SYT14: variants seen among roughly 807,000 people sequenced by gnomAD.
SYT14 encodes synaptotagmin 14.
SYT14 carries 32 observed loss-of-function variants against 74.2 expected under a neutral mutation model. The ratio of observed to expected loss-of-function variants is 0.43; its 90% CI spans 0.33 to 0.58. The LOEUF is 0.58. Ranked by LOEUF, SYT14 falls within the 20% of genes least tolerant of loss-of-function variation. SYT14 has a pLI of 0.05. For missense variants in SYT14, 791 were observed against 981.8 expected (o/e 0.81, Z 2.60); for synonymous variants, 298 against 337.7 (o/e 0.88, Z 1.29).
intron 7 of SYT14, among the ~76,000 whole-genome samples, chr1:210,118,193 C>A (rs1361866067): frequency 6.6e-6 from 1 of 152,132 alleles, no homozygotes; most frequent in African/African-American, 2.4e-5. Flanking sequence ...TCCAAGCAAG[C>A]AGCATATTCT....
exon 4 of SYT14, chr1:210,015,889 T>C (rs2080173545): frequency 1.6e-6 from 2 of 1,226,744 alleles, no homozygotes; most frequent in Non-Finnish European, 1.0e-6. Context: ...ATTGCTAATA[T>C]TGAGCTGACG....
intron 7 of SYT14, among the ~76,000 whole-genome samples, chr1:210,140,424 A>C (rs948465303): frequency 2.0e-5 from 3 of 149,150 alleles, no homozygotes; most frequent in Non-Finnish European, 4.4e-5. Flanking sequence ...CCCTTATAAG[A>C]TAAGTGATTT....
At position 210,043,724 on chromosome 1, in the gene SYT14, T is replaced by C. The variant is rs1572204774; in HGVS notation, c.1312+22470T>C. Among the ~76,000 whole-genome samples, 3 of 152,240 alleles carry C rather than the reference T, an allele frequency of 2.0e-5. No homozygotes were observed. In the Middle Eastern group the frequency reaches 0.01, roughly 518 times the overall value. ...AGGCATAAGGATTTTCTGGACATGT[T>C]AGGACTTTGAGATACTCACATAGGA... On this transcript the variant is annotated intron_variant, in intron 5 of 9. Coordinates refer to ENST00000637265, the Ensembl canonical transcript of SYT14.
At chr1:209,977,587 A>G (rs1471276190) in intron 2 of SYT14, among the ~76,000 whole-genome samples, 2 of 152,180 alleles carry the variant, frequency 1.3e-5, no homozygotes, top group Non-Finnish European at 2.9e-5. Context: ...TGTTAGTCTG[A>G]TGGGCTTCCC....
chr1:210,049,346 A>G (rs1169589081), intron 5 of SYT14, among the ~76,000 whole-genome samples: 5 of 150,154 alleles, frequency 3.3e-5, no homozygotes, highest in Non-Finnish European at 7.4e-5. Context: ...AGGTATTTCC[A>G]TACATCTTCT....
chr1:209,952,255 T>C (rs2078923730), intron 1 of SYT14, among the ~76,000 whole-genome samples: 1 of 152,200 alleles, frequency 6.6e-6, no homozygotes, highest in Admixed American at 6.5e-5. Flanking sequence ...TTTTACAAAT[T>C]TATAATAGTG....
chr1:210,111,517 G>C (rs927050302), intron 7 of SYT14, among the ~76,000 whole-genome samples: 1 of 151,156 alleles, frequency 6.6e-6, no homozygotes, highest in Non-Finnish European at 1.5e-5. Flanking sequence ...GAACATTTTT[G>C]GGGGTGGTAT....
At chr1:210,086,522 TCTC>T (rs1414803466) in intron 5 of SYT14, among the ~76,000 whole-genome samples, 1 of 152,232 alleles carries the variant, frequency 6.6e-6, no homozygotes, top group Non-Finnish European at 1.5e-5. Context: ...TCTTTGAACA[TCTC>T]CTCACTTTCA....
In SYT14 at chr1:209,995,532, A is replaced by C. The variant is rs371860168; in HGVS notation, c.-485-18101A>C. ...AAAGACATATAGACAACCACGTAAT[A>C]ATAGGGTGAGACTTCAACACCCCAC... On this transcript the variant is annotated intron_variant, in intron 2 of 9. Coordinates refer to ENST00000637265, the Ensembl canonical transcript of SYT14. Among the ~76,000 whole-genome samples the C allele has an allele frequency of 1.9e-4, 29 of 152,268 alleles. No individual in the cohort carries two copies. The East Asian group carries it at 3.7e-3, about 19-fold the overall frequency.
intron 7 of SYT14, among the ~76,000 whole-genome samples, chr1:210,154,973 A>T (rs2083239108): frequency 6.6e-6 from 1 of 152,092 alleles, no homozygotes; most frequent in African/African-American, 2.4e-5. Flanking sequence ...TCAGTTACTG[A>T]ATTTGGTCAG....
At chr1:210,121,832 A>G (rs980060772) in intron 7 of SYT14, among the ~76,000 whole-genome samples, 4 of 152,028 alleles carry the variant, frequency 2.6e-5, no homozygotes, top group African/African-American at 9.7e-5. Flanking sequence ...ATTCTGAGTA[A>G]TTATTAAGAT....
intron 7 of SYT14, among the ~76,000 whole-genome samples, chr1:210,110,162 A>G (rs2082234987): frequency 6.6e-6 from 1 of 152,168 alleles, no homozygotes; most frequent in Non-Finnish European, 1.5e-5. Flanking sequence ...GAAATACCTA[A>G]TGTAGATGAT....
At chr1:210,091,490 A>G (rs1289133647) in intron 5 of SYT14, among the ~76,000 whole-genome samples, 3 of 152,132 alleles carry the variant, frequency 2.0e-5, no homozygotes, top group East Asian at 1.9e-4. Flanking sequence ...GGAATTCAGG[A>G]TCAGCCTGGG....
intron 1 of SYT14, among the ~76,000 whole-genome samples, chr1:209,940,623 A>G (rs770258777): frequency 6.6e-6 from 1 of 152,136 alleles, no homozygotes; most frequent in Non-Finnish European, 1.5e-5. Context: ...AGGTCTTTGT[A>G]TTTGGCCGAA....
intron 5 of SYT14, among the ~76,000 whole-genome samples, chr1:210,086,534 C>A (rs1039423335): frequency 6.6e-6 from 1 of 152,170 alleles, no homozygotes; most frequent in African/African-American, 2.4e-5. Context: ...TCCTCACTTT[C>A]AATACACAGA....
At chr1:209,991,160 C>G (rs2079678376) in intron 2 of SYT14, among the ~76,000 whole-genome samples, 1 of 152,110 alleles carries the variant, frequency 6.6e-6, no homozygotes, top group Admixed American at 6.5e-5. Flanking sequence ...AATGTAAGTC[C>G]TGAAGCTGCA....
At chr1:210,169,290 G>T (rs1001396915) in exon 10 of SYT14, 1 of 126,508 alleles carries the variant, frequency 7.9e-6, no homozygotes, top group Non-Finnish European at 1.6e-5. Flanking sequence ...GGGAGAAATC[G>T]TGCTTGTTTT....
chr1:210,078,164 G>A (rs948112506), intron 5 of SYT14, among the ~76,000 whole-genome samples: 7 of 151,748 alleles, frequency 4.6e-5, no homozygotes, highest in Non-Finnish European at 1.0e-4. Flanking sequence ...CAAAAAATTA[G>A]CCGGGCGTGG....
rs1375648694 is a variant in SYT14 at position 210,021,354 on chromosome 1, A to T, written c.1312+100A>T. ...TCTGTGGTTGCAGAATAAACAAGAG[A>T]GCACATACAGTACAGTCACATTTCT... On this transcript the variant is annotated intron_variant, in intron 5 of 9. Coordinates refer to ENST00000637265, the Ensembl canonical transcript of SYT14. 1.9e-5 allele frequency: 20 copies of T among 1,052,494 alleles called. No homozygotes were observed. The Admixed American group carries it at 3.8e-4, about 20-fold the overall frequency. The allele number at this position is 1,052,494 out of a possible 1,614,324, so 65.2% of individuals were successfully genotyped here. A position where few individuals can be genotyped will look rare whatever the true frequency, so the allele number is the denominator to read the frequency against.
Sources: gnomAD v4.1 joint callset for allele counts (sites outside exome capture counted in the v4.1 genomes callset) on GRCh38, gnomAD v4.1.1 for gene constraint, MANE v1.5 for transcripts, NCBI Gene and HGNC (gene_info 2026-07-23, HGNC 2026-07-21) for gene names.